TECPR2: variants seen among roughly 807,000 people sequenced by gnomAD.
The protein encoded by TECPR2 is tectonin beta-propeller repeat-containing protein 2.
In TECPR2, 65 loss-of-function variants were observed where a neutral mutation model predicts 138.1. The ratio of observed to expected loss-of-function variants is 0.47; its 90% confidence interval spans 0.39 to 0.58. The LOEUF (loss-of-function observed/expected upper bound fraction) is 0.58, where lower values mean the gene tolerates loss of function less well. TECPR2 is among the 20% of genes least tolerant of loss of function. The pLI, the probability that TECPR2 is intolerant of heterozygous loss-of-function variation, is 0.00. For missense variants in TECPR2, 1,553 were observed against 1,824.5 expected (o/e 0.85, Z 2.71); for synonymous variants, 746 against 749.8 (o/e 0.99, Z 0.08).
intron 4 of TECPR2, among the ~76,000 whole-genome samples, chr14:102,412,094 G>C (rs905608519): frequency 6.7e-6 from 1 of 149,108 alleles, no homozygotes; most frequent in Non-Finnish European, 1.5e-5. Context: ...ACTATTCACA[G>C]AGTGATGCAG....
intron 17 of TECPR2, among the ~76,000 whole-genome samples, chr14:102,469,810 G>A (rs1224812450): frequency 6.6e-6 from 1 of 152,166 alleles, no homozygotes; most frequent in Non-Finnish European, 1.5e-5. Flanking sequence ...ATGAAAGGGT[G>A]TTGGGTTTTG....
intron 17 of TECPR2, among the ~76,000 whole-genome samples, chr14:102,496,449 C>A (rs1891282368): frequency 6.6e-6 from 1 of 152,258 alleles, no homozygotes; most frequent in Non-Finnish European, 1.5e-5. Context: ...TGGACAGAGG[C>A]TGCCCAAGGA....
intron 17 of TECPR2, among the ~76,000 whole-genome samples, chr14:102,482,292 G>A (rs928663130): frequency 1.3e-5 from 2 of 152,168 alleles, no homozygotes; most frequent in African/African-American, 4.8e-5. Context: ...CTGACCTCAG[G>A]TGAGCCACCT....
chr14:102,473,599 A>G (rs1352218988), intron 17 of TECPR2, among the ~76,000 whole-genome samples: 1 of 152,156 alleles, frequency 6.6e-6, no homozygotes. Context: ...CAGCTTCTCT[A>G]TTTAGTTCTG....
intron 17 of TECPR2, among the ~76,000 whole-genome samples, chr14:102,474,729 A>G (rs779462095): frequency 1.3e-5 from 2 of 152,224 alleles, no homozygotes; most frequent in Non-Finnish European, 2.9e-5. Context: ...AAAAATAGGT[A>G]TATTTTACAA....
intron 2 of TECPR2, among the ~76,000 whole-genome samples, chr14:102,392,039 A>T (rs1888190150): frequency 6.6e-6 from 1 of 152,020 alleles, no homozygotes; most frequent in African/African-American, 2.4e-5. Flanking sequence ...CCCAGGCTGG[A>T]GTGCAATGGT....
chr14:102,374,030 C>T (rs1355408492), intron 1 of TECPR2, among the ~76,000 whole-genome samples: 1 of 149,966 alleles, frequency 6.7e-6, no homozygotes. Flanking sequence ...CGAGATCGCA[C>T]CACCGCACTC....
At chr14:102,401,585 C>T (rs1888481343) in intron 2 of TECPR2, among the ~76,000 whole-genome samples, 1 of 151,756 alleles carries the variant, frequency 6.6e-6, no homozygotes, top group Non-Finnish European at 1.5e-5. Flanking sequence ...CGAGACCATC[C>T]TGGTTAATAT....
chr14:102,384,293 A>G (rs879911472), intron 2 of TECPR2, among the ~76,000 whole-genome samples: 2 of 151,998 alleles, frequency 1.3e-5, no homozygotes, highest in East Asian at 1.9e-4. Context: ...CTGTAGCTGG[A>G]AAGTCCAAGA....
chr14:102,487,903 G>A (rs1463900233), intron 17 of TECPR2, among the ~76,000 whole-genome samples: 11 of 145,934 alleles, frequency 7.5e-5, no homozygotes, highest in African/African-American at 1.8e-4. Flanking sequence ...GTGCAATGGC[G>A]CGATCTCGGC....
intron 17 of TECPR2, among the ~76,000 whole-genome samples, chr14:102,485,667 C>T (rs1238704645): frequency 6.6e-6 from 1 of 152,116 alleles, no homozygotes; most frequent in Non-Finnish European, 1.5e-5. Context: ...TGCGTGTGCC[C>T]CCAGTAAAAC....
chr14:102,383,468 A>G (rs1887895287), intron 2 of TECPR2, among the ~76,000 whole-genome samples: 1 of 149,796 alleles, frequency 6.7e-6, no homozygotes, highest in African/African-American at 2.5e-5. Context: ...AGTGCAGTGG[A>G]GCGATCTCAG....
chr14:102,452,206 GT>G (rs1890162223), intron 15 of TECPR2, among the ~76,000 whole-genome samples, 187 bp from the exon 16 acceptor site: 1 of 152,210 alleles, frequency 6.6e-6, no homozygotes, highest in Admixed American at 6.5e-5. Context: ...TAGTCACGGT[GT>G]TTCCCTCTGC....
rs971814077 is a variant in TECPR2, at chr14:102,408,367, C to T, written c.349-121C>T. ...TTTGTGCAGGGTTCTGCTTGGAAAA[C>T]GAGATTGGGAAAACCAGCTCTTCCC... On this transcript the variant is annotated intron_variant, in intron 3 of 19. Transcript: ENST00000359520. 50 of 1,141,408 alleles carry T rather than the reference C, an allele frequency of 4.4e-5. No individual in the cohort carries two copies. The Admixed American group carries it at 4.9e-4, about 11-fold the overall frequency. 70.7% of individuals were successfully genotyped at this position (1,141,408 alleles called of 1,614,324 possible). A position where few individuals can be genotyped will look rare whatever the true frequency, so the allele number is the denominator to read the frequency against.
intron 16 of TECPR2, among the ~76,000 whole-genome samples, chr14:102,455,909 A>G (rs1398452473): frequency 6.6e-6 from 1 of 152,148 alleles, no homozygotes; most frequent in African/African-American, 2.4e-5. Context: ...CACCACGTAC[A>G]GTCCCTGCTA....
At chr14:102,423,154 C>T (rs1413068170) in intron 5 of TECPR2, among the ~76,000 whole-genome samples, 1 of 152,100 alleles carries the variant, frequency 6.6e-6, no homozygotes, top group African/African-American at 2.4e-5. Flanking sequence ...ATTTTTTGGC[C>T]AGGCGCAGTG....
chr14:102,437,376 G>T (rs548409074), intron 9 of TECPR2, among the ~76,000 whole-genome samples: 2 of 152,192 alleles, frequency 1.3e-5, no homozygotes, highest in East Asian at 3.9e-4. Context: ...GCGAAACCCC[G>T]TCTCTACTAA....
At chr14:102,452,775 A>C in intron 16 of TECPR2, 148 bp downstream of exon 16, 1 of 655,972 alleles carries the variant, frequency 1.5e-6, no homozygotes, top group East Asian at 2.7e-5. Context: ...TCAGGAGCTC[A>C]GTTGGCCACT....
chr14:102,454,202 T>C (rs778114766), intron 16 of TECPR2, among the ~76,000 whole-genome samples: 3 of 151,590 alleles, frequency 2.0e-5, no homozygotes, highest in African/African-American at 7.3e-5. Context: ...CTTGTTCCCC[T>C]TCTCCCCAAG....
Sources: gnomAD v4.1 joint callset for allele counts (sites outside exome capture counted in the v4.1 genomes callset) on GRCh38, gnomAD v4.1.1 for gene constraint, MANE v1.5 for transcripts, NCBI Gene and HGNC (gene_info 2026-07-23, HGNC 2026-07-21) for gene names.